The following ABLIM3 variants were observed in gnomAD, a reference collection of about 807,000 sequenced individuals.
ABLIM3 encodes actin binding LIM protein family member 3, also known as actin-binding LIM protein 3.
Under a neutral mutation model 109.5 loss-of-function variants are expected in ABLIM3, and 61 were observed. The observed-to-expected ratio is 0.56, with a 90% CI of 0.45 to 0.69. The LOEUF is 0.69. Among genes scored for constraint, ABLIM3 ranks in the 30% least tolerant of loss-of-function variants. The probability of loss-of-function intolerance (pLI) is 0.00; values close to 1 mark genes in which losing one functional copy is unlikely to be tolerated. For synonymous variants in ABLIM3, 300 were observed against 324.8 expected (o/e 0.92, Z 0.82); for missense variants, 796 against 889.5 (o/e 0.89, Z 1.34).
chr5:149,191,938 A>G (rs1249105386), intron 3 of ABLIM3, among the ~76,000 whole-genome samples: 1 of 152,130 alleles, frequency 6.6e-6, no homozygotes, highest in Non-Finnish European at 1.5e-5. Flanking sequence ...GCTCACTGCA[A>G]GCTCCACCTC....
chr5:149,222,260 C>T (rs920618648), intron 8 of ABLIM3, among the ~76,000 whole-genome samples: 1 of 151,956 alleles, frequency 6.6e-6, no homozygotes, highest in African/African-American at 2.4e-5. Flanking sequence ...TCACGACAAC[C>T]CTGTCAGCTA....
intron 3 of ABLIM3, among the ~76,000 whole-genome samples, chr5:149,193,767 G>T (rs1017394665): frequency 2.6e-5 from 4 of 152,160 alleles, no homozygotes; most frequent in African/African-American, 9.7e-5. Flanking sequence ...AAGACCAATG[G>T]AACTGAATAT....
intron 3 of ABLIM3, among the ~76,000 whole-genome samples, chr5:149,186,021 C>G (rs1268181391): frequency 6.6e-6 from 1 of 152,182 alleles, no homozygotes; most frequent in African/African-American, 2.4e-5. Context: ...ATGTATAAAG[C>G]TGTTTCCCCT....
intron 2 of ABLIM3, among the ~76,000 whole-genome samples, chr5:149,177,618 G>A (rs1285581051): frequency 1.3e-5 from 2 of 152,214 alleles, no homozygotes; most frequent in East Asian, 1.9e-4. Flanking sequence ...GTTGCTTATA[G>A]TGGTGAATGG....
chr5:149,258,938 AGGGT>A lies in ABLIM3; in HGVS notation c.*536_*539del. 3.0e-6 allele frequency: 3 copies of A among 990,142 alleles called. No individual in the cohort carries two copies. The highest frequency in any genetic ancestry group is 3.6e-6 in the Non-Finnish European group (3 of 833,024). 61.3% of individuals were successfully genotyped at this position (990,142 alleles called of 1,614,324 possible). On this transcript the variant is annotated 3_prime_UTR_variant, in exon 24 of 24. Coordinates refer to ENST00000309868, the MANE Select transcript of ABLIM3 (RefSeq NM_014945.5). The stretch of plus-strand genomic sequence containing the variant: ...GCTCTCTTGGGGCAATGCAGTTAAA[AGGGT>A]GAGCCTCAAATCTAGTCATTACACC...
intron 2 of ABLIM3, among the ~76,000 whole-genome samples, chr5:149,182,667 A>G (rs1756567494): frequency 6.6e-6 from 1 of 152,198 alleles, no homozygotes; most frequent in East Asian, 1.9e-4. Context: ...ATATACTAAA[A>G]TTGGAGATGG....
chr5:149,192,345 A>G (rs891223121), intron 3 of ABLIM3, among the ~76,000 whole-genome samples: 1 of 152,198 alleles, frequency 6.6e-6, no homozygotes, highest in Non-Finnish European at 1.5e-5. Context: ...CCCATTGGTC[A>G]CTTTTAGATA....
chr5:149,239,399 A>G, intron 12 of ABLIM3, 122 bp downstream of exon 12: 2 of 1,141,134 alleles, frequency 1.8e-6, no homozygotes, highest in Non-Finnish European at 2.6e-6. Flanking sequence ...GCAAGCAGGG[A>G]AGTGCTGGAG....
At chr5:149,249,948 C>A in intron 19 of ABLIM3, 104 bp downstream of exon 19, 1 of 1,352,846 alleles carries the variant, frequency 7.4e-7, no homozygotes, top group Non-Finnish European at 1.1e-6. Context: ...ATGTGGATGT[C>A]CCAGCCCACT....
In ABLIM3 at chr5:149,142,472, G is replaced by GT. The variant is rs530168035; in HGVS notation, c.13+365dup. 2.4e-4 allele frequency among the ~76,000 whole-genome samples: 36 copies of GT among 152,272 alleles called. No homozygotes were observed. In the East Asian group the frequency reaches 7.0e-3, roughly 29 times the overall value. On this transcript the variant is annotated intron_variant, in intron 2 of 23. Transcript: ENST00000309868. ...TGGAAAACCATGGAGGGCCCTGCCT[G>GT]TCCCAGAGGTGGGAAGAGCAGGGAG...
At chr5:149,170,190 T>C (rs1217493223) in intron 2 of ABLIM3, among the ~76,000 whole-genome samples, 3 of 150,894 alleles carry the variant, frequency 2.0e-5, no homozygotes, top group Non-Finnish European at 2.9e-5. Flanking sequence ...TCCAGGAAGA[T>C]CCACAGACTT....
chr5:149,169,064 C>CACCACTGACTTTGCTGTAGGACCCCTCA lies in ABLIM3; in HGVS notation c.14-14363_14-14362insTCAACCACTGACTTTGCTGTAGGACCCC, dbSNP rs149556183. 9.2e-3 allele frequency among the ~76,000 whole-genome samples: 1,279 copies of CACCACTGACTTTGCTGTAGGACCCCTCA among 139,012 alleles called. 48 individuals carry two copies. Among genetic ancestry groups the CACCACTGACTTTGCTGTAGGACCCCTCA allele is most frequent in the African/African-American group, 0.037 (1,119 of 30,506 alleles). The allele number at this position is 139,012 out of a possible 152,430, so 91.2% of individuals were successfully genotyped here. ...GAAGGAATCTGTTCCAGTTCCTTCC[C>CACCACTGACTTTGCTGTAGGACCCCTCA]ACCACTGACTTTGCTGTAGGACCCC... On this transcript the variant is annotated intron_variant, in intron 2 of 23. Transcript: ENST00000309868.
chr5:149,190,187 G>T (rs1399652171), intron 3 of ABLIM3, among the ~76,000 whole-genome samples: 1 of 152,180 alleles, frequency 6.6e-6, no homozygotes, highest in Non-Finnish European at 1.5e-5. Flanking sequence ...CAGATTCATG[G>T]TTATCTAGGG....
intron 9 of ABLIM3, 34 bp from the exon 10 acceptor site, chr5:149,233,195 C>T (rs753821745): frequency 1.9e-6 from 3 of 1,609,242 alleles, no homozygotes; most frequent in Non-Finnish European, 1.7e-6. Flanking sequence ...CAGGTTGCAG[C>T]TTCTCACCTT....
intron 6 of ABLIM3, among the ~76,000 whole-genome samples, chr5:149,208,957 T>A (rs1222481128): frequency 6.6e-6 from 1 of 152,206 alleles, no homozygotes; most frequent in Non-Finnish European, 1.5e-5. Flanking sequence ...CTAGGCAGAA[T>A]GGCCAGCCTG....
chr5:149,212,044 A>G (rs1316699604), intron 7 of ABLIM3, among the ~76,000 whole-genome samples: 1 of 152,158 alleles, frequency 6.6e-6, no homozygotes, highest in African/African-American at 2.4e-5. Context: ...ATATAAGAGT[A>G]TATCATATAT....
chr5:149,186,186 T>C (rs11168094), intron 3 of ABLIM3, among the ~76,000 whole-genome samples: 9,429 of 151,872 alleles, frequency 0.062, 706 homozygotes, highest in African/African-American at 0.18. Flanking sequence ...GAGGCTGAGG[T>C]GGGAGGGTCA....
At chr5:149,170,226 G>GTT (rs1474513173) in intron 2 of ABLIM3, among the ~76,000 whole-genome samples, 33 of 68,096 alleles carry the variant, frequency 4.8e-4, no homozygotes, top group African/African-American at 1.2e-3. Flanking sequence ...TCAGGGTTCT[G>GTT]TTTCTCTCTC....
intron 20 of ABLIM3, among the ~76,000 whole-genome samples, chr5:149,250,936 A>G (rs1223989464): frequency 2.0e-5 from 3 of 152,022 alleles, no homozygotes; most frequent in South Asian, 2.1e-4. Flanking sequence ...CCCACCCCCA[A>G]CTGCTATGCT....
Sources: gnomAD v4.1 joint callset for allele counts (sites outside exome capture counted in the v4.1 genomes callset) on GRCh38, gnomAD v4.1.1 for gene constraint, MANE v1.5 for transcripts, NCBI Gene and HGNC (gene_info 2026-07-23, HGNC 2026-07-21) for gene names.